NFIB: variants seen among roughly 807,000 people sequenced by gnomAD.
The protein encoded by NFIB is nuclear factor I B.
NFIB carries 11 observed loss-of-function variants against 61.5 expected under a neutral mutation model. The ratio of observed to expected loss-of-function variants is 0.18; its 90% CI spans 0.11 to 0.30. The LOEUF is 0.30. NFIB is among the 10% of genes least tolerant of loss of function. The pLI is 1.00. For synonymous variants in NFIB, 260 were observed against 216.5 expected, an observed-to-expected ratio of 1.20 and a Z score of -1.76; for missense variants, 471 against 608.9, an observed-to-expected ratio of 0.77 and a Z score of 2.38.
intron 2 of NFIB, among the ~76,000 whole-genome samples, chr9:14,268,167 G>T (rs2057352921): frequency 1.3e-5 from 2 of 151,062 alleles, no homozygotes; most frequent in Admixed American, 1.3e-4. Context: ...ATATGGAGAA[G>T]ACAAAGATAA....
chr9:14,507,837 G>A, the NFIB span, among the ~76,000 whole-genome samples: 5 of 152,036 alleles, frequency 3.3e-5, no homozygotes, highest in African/African-American at 7.2e-5. Context: ...GAGGCTGAGT[G>A]TCAGCCTCCA....
chr9:14,523,078 G>A, the NFIB span, among the ~76,000 whole-genome samples: 1 of 152,146 alleles, frequency 6.6e-6, no homozygotes, highest in Non-Finnish European at 1.5e-5. Context: ...GGTAGTGTCT[G>A]GCTGAGAGGG....
At chr9:14,195,162 A>G (rs1286278949) in intron 2 of NFIB, among the ~76,000 whole-genome samples, 2 of 151,998 alleles carry the variant, frequency 1.3e-5, no homozygotes, top group Non-Finnish European at 2.9e-5. Context: ...CTGGCAAAAG[A>G]AGTTAAAAAA....
At chr9:14,089,546 G>A (rs2033514288) in intron 10 of NFIB, among the ~76,000 whole-genome samples, 1 of 152,116 alleles carries the variant, frequency 6.6e-6, no homozygotes, top group African/African-American at 2.4e-5. Flanking sequence ...AAATCCGAAT[G>A]AATGTCAGTT....
intron 1 of NFIB, among the ~76,000 whole-genome samples, chr9:14,351,999 T>C (rs964651530): frequency 1.3e-5 from 2 of 152,214 alleles, no homozygotes; most frequent in Non-Finnish European, 2.9e-5. Flanking sequence ...CCCACAGTTC[T>C]GACGGAAGTA....
chr9:14,197,147 C>T (rs1384764927), intron 2 of NFIB, among the ~76,000 whole-genome samples: 1 of 152,132 alleles, frequency 6.6e-6, no homozygotes, highest in Non-Finnish European at 1.5e-5. Flanking sequence ...TTATTCTGAC[C>T]CTTTACAATT....
chr9:14,338,123 A>G (rs2060905620), intron 1 of NFIB, among the ~76,000 whole-genome samples: 1 of 152,194 alleles, frequency 6.6e-6, no homozygotes, highest in South Asian at 2.1e-4. Context: ...AGCCGGGCGC[A>G]GTGGCTCACG....
intron 1 of NFIB, among the ~76,000 whole-genome samples, chr9:14,374,740 T>C (rs972361195): frequency 6.6e-6 from 1 of 152,036 alleles, no homozygotes; most frequent in Non-Finnish European, 1.5e-5. Context: ...TGAAACCCTG[T>C]CTCTACTAAA....
chr9:14,172,120 A>G (rs1193366875), intron 3 of NFIB, among the ~76,000 whole-genome samples: 7 of 152,202 alleles, frequency 4.6e-5, no homozygotes, highest in African/African-American at 1.7e-4. Context: ...CTGGTCATGG[A>G]TTTAATGAGA....
intron 3 of NFIB, among the ~76,000 whole-genome samples, chr9:14,167,083 C>G (rs199724803): frequency 2.9e-4 from 30 of 104,586 alleles, no homozygotes; most frequent in Admixed American, 4.5e-4. Context: ...GTGTGTGTGT[C>G]GGGGGGGGGG....
intron 1 of NFIB, among the ~76,000 whole-genome samples, chr9:14,348,194 G>C (rs2061057250): frequency 6.6e-6 from 1 of 152,206 alleles, no homozygotes; most frequent in South Asian, 2.1e-4. Context: ...TCCTTACTGT[G>C]CGCCAGGGGA....
chr9:14,269,457 T>A (rs1345421870), intron 2 of NFIB, among the ~76,000 whole-genome samples: 1 of 152,190 alleles, frequency 6.6e-6, no homozygotes, highest in Admixed American at 6.5e-5. Flanking sequence ...AATTACGACA[T>A]CATTTTCAAA....
the NFIB span, among the ~76,000 whole-genome samples, chr9:14,435,617 T>C: frequency 7.2e-5 from 11 of 152,238 alleles, no homozygotes; most frequent in African/African-American, 2.7e-4. Context: ...TACTATAATT[T>C]AAATACAAAA....
intron 1 of NFIB, among the ~76,000 whole-genome samples, chr9:14,340,273 A>G (rs1383444518): frequency 6.6e-6 from 1 of 152,176 alleles, no homozygotes; most frequent in East Asian, 1.9e-4. Context: ...TGTCTCCAAT[A>G]ATAGGAGTTC....
chr9:14,206,175 CTCTT>C (rs1488822956), intron 2 of NFIB, among the ~76,000 whole-genome samples: 3 of 140,212 alleles, frequency 2.1e-5, no homozygotes, highest in Non-Finnish European at 3.1e-5. Flanking sequence ...AACTCTCTCT[CTCTT>C]TTTTTTTTTT....
At chr9:14,466,951 C>T in the NFIB span, among the ~76,000 whole-genome samples, 19 of 152,080 alleles carry the variant, frequency 1.2e-4, no homozygotes, top group Non-Finnish European at 2.4e-4. Flanking sequence ...GATCTAGAGT[C>T]CCAAAGATTC....
Position 14,254,851 on chromosome 9 carries a change from G to A in NFIB, c.562+52138C>T, listed in dbSNP as rs557557659. Among the ~76,000 whole-genome samples, 33 of 152,226 alleles carry A rather than the reference G, an allele frequency of 2.2e-4. No individual in the cohort carries two copies. The South Asian group carries it at 6.4e-3, about 30-fold the overall frequency. On this transcript the variant is annotated intron_variant, in intron 2 of 10. Coordinates refer to ENST00000380953, the MANE Select transcript of NFIB (RefSeq NM_001190737.2). ...TGTGCATTTACAAGCAAGGTCTAGA[G>A]GCCTAAATAATAATAATGATCTTTT...
the NFIB span, among the ~76,000 whole-genome samples, chr9:14,483,445 G>C: frequency 6.6e-6 from 1 of 152,152 alleles, no homozygotes; most frequent in South Asian, 2.1e-4. Context: ...ATTAACTCTG[G>C]CACATTTCAG....
rs550008302 is a variant in NFIB, at chr9:14,198,241, T to C, written c.563-18461A>G. 2.0e-4 allele frequency among the ~76,000 whole-genome samples: 30 copies of C among 152,272 alleles called. 1 individual carries two copies. In the South Asian group the frequency reaches 5.8e-3, roughly 29 times the overall value. On this transcript the variant is annotated intron_variant, in intron 2 of 10. Coordinates refer to ENST00000380953, the MANE Select transcript of NFIB (RefSeq NM_001190737.2). Reference sequence around the variant, plus strand: ...TCACACTGCACGTCTCCAAGGAGCATGATTCACAGTGTGGGCTACGGGGAG... The same window carrying C: ...TCACACTGCACGTCTCCAAGGAGCACGATTCACAGTGTGGGCTACGGGGAG...
Sources: gnomAD v4.1 joint callset for allele counts (sites outside exome capture counted in the v4.1 genomes callset) on GRCh38, gnomAD v4.1.1 for gene constraint, MANE v1.5 for transcripts, NCBI Gene and HGNC (gene_info 2026-07-23, HGNC 2026-07-21) for gene names.